Variants in MMP16 observed in about 807,000 individuals in gnomAD.
MMP16 encodes matrix metalloproteinase-16.
In MMP16, 12 loss-of-function variants were observed where a neutral mutation model predicts 67.8. That is an observed-to-expected ratio of 0.18 (90% CI 0.11 to 0.29). MMP16 has a LOEUF of 0.29. MMP16 is among the 10% of genes least tolerant of loss of function. The probability of loss-of-function intolerance (pLI) is 1.00; values close to 1 mark genes in which losing one functional copy is unlikely to be tolerated. For missense variants in MMP16, 475 were observed against 765.7 expected, an observed-to-expected ratio of 0.62 and a Z score of 4.48; for synonymous variants, 249 against 255.9, an observed-to-expected ratio of 0.97 and a Z score of 0.26.
intron 6 of MMP16, among the ~76,000 whole-genome samples, chr8:88,097,625 C>CAAAAAA (rs34488162): frequency 2.8e-4 from 19 of 67,396 alleles, no homozygotes; most frequent in African/African-American, 6.6e-4. Flanking sequence ...AACCCTGTCT[C>CAAAAAA]AAAAAAAAAA....
At chr8:88,096,351 A>G (rs1809026452) in intron 6 of MMP16, among the ~76,000 whole-genome samples, 1 of 151,906 alleles carries the variant, frequency 6.6e-6, no homozygotes, top group African/African-American at 2.4e-5. Flanking sequence ...ATGATATTTT[A>G]ATAACTAATT....
intron 7 of MMP16, among the ~76,000 whole-genome samples, chr8:88,059,486 A>C (rs1033670453): frequency 1.3e-5 from 2 of 152,098 alleles, no homozygotes; most frequent in African/African-American, 4.8e-5. Context: ...TCATCTGAAT[A>C]CCTTTCTTAT....
chr8:88,087,926 C>G (rs960244655), intron 6 of MMP16, among the ~76,000 whole-genome samples: 2 of 148,024 alleles, frequency 1.4e-5, no homozygotes, highest in African/African-American at 5.2e-5. Context: ...CCTAGGGTAA[C>G]AGAGTGAGGT....
chr8:88,043,346 C>T (rs1004741559), intron 9 of MMP16, among the ~76,000 whole-genome samples: 2 of 152,004 alleles, frequency 1.3e-5, no homozygotes, highest in Admixed American at 6.6e-5. Context: ...TGCAATGGCC[C>T]GATCTTGGCT....
intron 1 of MMP16, among the ~76,000 whole-genome samples, chr8:88,326,461 A>C (rs1341995399): frequency 6.6e-6 from 1 of 151,880 alleles, no homozygotes; most frequent in Non-Finnish European, 1.5e-5. Flanking sequence ...TTGGCGGGGG[A>C]GGGGGAAAGA....
At position 88,074,601 on chromosome 8, in the gene MMP16, T is replaced by C; in HGVS notation, c.1222+4A>G. On this transcript the variant is annotated splice_donor_region_variant and intron_variant, in intron 7 of 9. Transcript: ENST00000286614. ...ACATAGCCAGATATGGAAAACATCC[T>C]TACCTTTAAAGAACACAAAATTCCC... The C allele has an allele frequency of 6.2e-7, 1 of 1,613,054 alleles. No individual in the cohort carries two copies. Among genetic ancestry groups the C allele is most frequent in the Non-Finnish European group, 8.5e-7 (1 of 1,179,440 alleles).
intron 4 of MMP16, among the ~76,000 whole-genome samples, chr8:88,165,310 T>G (rs1808694879): frequency 6.6e-6 from 1 of 151,830 alleles, no homozygotes; most frequent in South Asian, 2.1e-4. Context: ...TTGATAGACA[T>G]TTCTTTCATA....
At chr8:88,141,662 A>T (rs1178623740) in intron 4 of MMP16, among the ~76,000 whole-genome samples, 1 of 152,202 alleles carries the variant, frequency 6.6e-6, no homozygotes, top group Non-Finnish European at 1.5e-5. Flanking sequence ...AGAATTTGAT[A>T]TTCAGTAATA....
chr8:88,224,008 T>G (rs560847639), intron 1 of MMP16, among the ~76,000 whole-genome samples: 1 of 151,976 alleles, frequency 6.6e-6, no homozygotes, highest in African/African-American at 2.4e-5. Context: ...GAAGGAAAAG[T>G]CATGAGAAAA....
intron 1 of MMP16, among the ~76,000 whole-genome samples, chr8:88,322,081 G>A (rs1363549001): frequency 1.3e-5 from 2 of 152,008 alleles, no homozygotes; most frequent in Admixed American, 1.3e-4. Context: ...CAGAATCTGA[G>A]GTATAACAGA....
At chr8:88,318,351 C>T (rs986625387) in intron 1 of MMP16, among the ~76,000 whole-genome samples, 1 of 152,162 alleles carries the variant, frequency 6.6e-6, no homozygotes, top group African/African-American at 2.4e-5. Flanking sequence ...TAAAACTATA[C>T]TGAGTATCAC....
At chr8:88,050,293 G>A (rs1040554607) in intron 8 of MMP16, among the ~76,000 whole-genome samples, 4 of 152,058 alleles carry the variant, frequency 2.6e-5, no homozygotes, top group African/African-American at 4.8e-5. Flanking sequence ...ACTGCACTCC[G>A]GCTTGGGCAA....
chr8:88,076,247 C>A (rs769688315), intron 6 of MMP16, among the ~76,000 whole-genome samples: 1 of 152,068 alleles, frequency 6.6e-6, no homozygotes, highest in Non-Finnish European at 1.5e-5. Flanking sequence ...TTAGTACAAA[C>A]GAATACCTAA....
intron 4 of MMP16, among the ~76,000 whole-genome samples, chr8:88,163,296 A>C (rs949892832): frequency 2.0e-5 from 3 of 152,106 alleles, no homozygotes; most frequent in African/African-American, 7.2e-5. Context: ...GTTTGGATGC[A>C]GATGTCAATC....
At chr8:88,087,723 C>A (rs1252346968) in intron 6 of MMP16, among the ~76,000 whole-genome samples, 2 of 151,582 alleles carry the variant, frequency 1.3e-5, no homozygotes, top group East Asian at 3.9e-4. Context: ...GCAGGAGAAT[C>A]ACTTGAGCCC....
chr8:88,219,895 G>C (rs1809651146), intron 1 of MMP16, among the ~76,000 whole-genome samples: 1 of 152,002 alleles, frequency 6.6e-6, no homozygotes, highest in Admixed American at 6.6e-5. Context: ...AGTCAAAACA[G>C]TCTTTTCATT....
chr8:88,266,185 C>G (rs1810474015), intron 1 of MMP16, among the ~76,000 whole-genome samples: 1 of 152,264 alleles, frequency 6.6e-6, no homozygotes, highest in African/African-American at 2.4e-5. Flanking sequence ...AATTCTCTCA[C>G]CAGCCCACTG....
chr8:88,050,601 A>G (rs577043235), intron 8 of MMP16, among the ~76,000 whole-genome samples: 2 of 152,354 alleles, frequency 1.3e-5, no homozygotes, highest in South Asian at 4.1e-4. Flanking sequence ...TAGATTTAGT[A>G]TGAATTGTCA....
At chr8:88,169,618 A>T (rs985559469) in intron 3 of MMP16, among the ~76,000 whole-genome samples, 1 of 152,214 alleles carries the variant, frequency 6.6e-6, no homozygotes, top group Admixed American at 6.6e-5. Flanking sequence ...TTGGTGGTAA[A>T]TATTATTCAT....
Sources: gnomAD v4.1 joint callset for allele counts (sites outside exome capture counted in the v4.1 genomes callset) on GRCh38, gnomAD v4.1.1 for gene constraint, MANE v1.5 for transcripts, NCBI Gene and HGNC (gene_info 2026-07-23, HGNC 2026-07-21) for gene names.